Variants in RABGAP1L observed in about 807,000 individuals in gnomAD.
RABGAP1L encodes RAB GTPase activating protein 1 like, also known as rab GTPase-activating protein 1-like.
In RABGAP1L, 63 loss-of-function variants were observed where a neutral mutation model predicts 137.7. The observed-to-expected ratio is 0.46, with a 90% CI of 0.37 to 0.56. The LOEUF is 0.56. Among genes scored for constraint, RABGAP1L ranks in the 20% least tolerant of loss-of-function variants. The pLI is 0.00. For missense variants in RABGAP1L, 1,095 were observed against 1,244.0 expected (o/e 0.88, Z 1.80); for synonymous variants, 431 against 433.7 (o/e 0.99, Z 0.08).
intron 17 of RABGAP1L, among the ~76,000 whole-genome samples, chr1:174,712,545 G>A (rs1462902366): frequency 6.6e-6 from 1 of 152,134 alleles, no homozygotes; most frequent in Non-Finnish European, 1.5e-5. Flanking sequence ...GCAAACTGTG[G>A]ACACACCATC....
chr1:174,736,681 C>T (rs752454593), intron 17 of RABGAP1L, among the ~76,000 whole-genome samples: 1 of 152,260 alleles, frequency 6.6e-6, no homozygotes, highest in Non-Finnish European at 1.5e-5. Flanking sequence ...TCTGCCTGGG[C>T]ACTGAGGCTT....
At chr1:174,477,908 C>A (rs1220068253) in intron 13 of RABGAP1L, among the ~76,000 whole-genome samples, 1 of 151,712 alleles carries the variant, frequency 6.6e-6, no homozygotes, top group East Asian at 1.9e-4. Flanking sequence ...TTATATAAAA[C>A]CTGCATGGTA....
intron 19 of RABGAP1L, among the ~76,000 whole-genome samples, chr1:174,894,692 G>A (rs1443723081): frequency 6.6e-6 from 1 of 152,124 alleles, no homozygotes; most frequent in African/African-American, 2.4e-5. Flanking sequence ...TGGTGCAGGA[G>A]AGGACTGTCG....
chr1:174,981,987 C>T (rs1326316625), intron 23 of RABGAP1L, among the ~76,000 whole-genome samples: 2 of 152,178 alleles, frequency 1.3e-5, no homozygotes, highest in Admixed American at 1.3e-4. Context: ...GCTCACAAAG[C>T]TATAAAGAAA....
At chr1:174,684,952 G>A (rs1480756101) in intron 15 of RABGAP1L, among the ~76,000 whole-genome samples, 1 of 152,036 alleles carries the variant, frequency 6.6e-6, no homozygotes, top group Non-Finnish European at 1.5e-5. Flanking sequence ...CTGCAGTCCA[G>A]CTTGGGCAAT....
At chr1:174,454,238 G>T (rs1471065924) in intron 13 of RABGAP1L, among the ~76,000 whole-genome samples, 1 of 146,908 alleles carries the variant, frequency 6.8e-6, no homozygotes, top group Non-Finnish European at 1.5e-5. Flanking sequence ...ACTCCAGCCT[G>T]GCAACAGAGT....
intron 13 of RABGAP1L, among the ~76,000 whole-genome samples, chr1:174,414,812 A>G (rs1475540686): frequency 6.6e-6 from 1 of 152,124 alleles, no homozygotes; most frequent in Non-Finnish European, 1.5e-5. Flanking sequence ...CTTATGAAAT[A>G]GAAGTGTAGT....
chr1:174,905,121 T>C (rs1195885040), intron 19 of RABGAP1L, among the ~76,000 whole-genome samples: 1 of 152,142 alleles, frequency 6.6e-6, no homozygotes, highest in African/African-American at 2.4e-5. Flanking sequence ...AGTGACCTAG[T>C]AGTAAAGATT....
chr1:174,471,600 A>C (rs1158206825), intron 13 of RABGAP1L, among the ~76,000 whole-genome samples: 1 of 152,192 alleles, frequency 6.6e-6, no homozygotes, highest in Admixed American at 6.5e-5. Flanking sequence ...AGCAAACCAC[A>C]TTCAGGTGTT....
rs140239993 is a variant in RABGAP1L, at chr1:174,505,381, T to TGAG, written c.1710+111236_1710+111237insGAG. Among the ~76,000 whole-genome samples the TGAG allele has an allele frequency of 8.5e-5, 13 of 152,348 alleles. No individual in the cohort carries two copies. The East Asian group carries it at 2.5e-3, about 29-fold the overall frequency. ...TTCGTTTACTCTAGCCAGTTCTTTT[T>TGAG]CACATTTTGGCCCAAACTTTATTCC... On this transcript the variant is annotated intron_variant, in intron 13 of 25. Transcript: ENST00000681986.
intron 17 of RABGAP1L, among the ~76,000 whole-genome samples, chr1:174,711,063 C>T (rs1370789207): frequency 6.6e-6 from 1 of 152,128 alleles, no homozygotes; most frequent in Non-Finnish European, 1.5e-5. Flanking sequence ...CAGCTGCTGG[C>T]CCAAACACAG....
intron 13 of RABGAP1L, among the ~76,000 whole-genome samples, chr1:174,549,406 A>G (rs1157222207): frequency 1.3e-5 from 2 of 152,184 alleles, no homozygotes; most frequent in African/African-American, 4.8e-5. Context: ...GAAAGATAAC[A>G]TAAGAAAGCA....
intron 3 of RABGAP1L, among the ~76,000 whole-genome samples, chr1:174,227,677 T>C (rs1558048954): frequency 6.6e-6 from 1 of 152,162 alleles, no homozygotes. Context: ...TTTTGTCTTA[T>C]TATTTTAGTA....
chr1:174,180,234 C>T (rs985245158), intron 1 of RABGAP1L, among the ~76,000 whole-genome samples: 2 of 152,136 alleles, frequency 1.3e-5, no homozygotes, highest in Non-Finnish European at 2.9e-5. Context: ...AGTTCTAGAG[C>T]CAGACAGACC....
intron 17 of RABGAP1L, among the ~76,000 whole-genome samples, chr1:174,722,808 A>G (rs1441732693): frequency 6.6e-6 from 1 of 152,164 alleles, no homozygotes; most frequent in Non-Finnish European, 1.5e-5. Flanking sequence ...TCTATGCCTT[A>G]GCCTGAAGGA....
intron 14 of RABGAP1L, among the ~76,000 whole-genome samples, chr1:174,658,012 C>G (rs1676092192): frequency 6.6e-6 from 1 of 152,180 alleles, no homozygotes; most frequent in Non-Finnish European, 1.5e-5. Context: ...TAAGGCTTTG[C>G]ATTTCACTGT....
intron 13 of RABGAP1L, among the ~76,000 whole-genome samples, chr1:174,526,704 T>G (rs1280226599): frequency 6.6e-6 from 1 of 152,100 alleles, no homozygotes; most frequent in Non-Finnish European, 1.5e-5. Context: ...TTTTTAAAAA[T>G]TTGGGTCATT....
At position 174,704,601 on chromosome 1, in the gene RABGAP1L, A is replaced by C. The variant is rs141360261; in HGVS notation, c.2169+2345A>C. ...TGCAGAATAGGTTTCCAAATCCTGA[A>C]TATAACAGCTAGAGAATCTGATTTA... On this transcript the variant is annotated intron_variant, in intron 17 of 25. Coordinates refer to ENST00000681986, the MANE Select transcript of RABGAP1L (RefSeq NM_001366446.1). Among the ~76,000 whole-genome samples, 557 of 152,342 alleles carry C rather than the reference A, an allele frequency of 3.7e-3. 3 individuals are homozygous for C. The highest frequency in any genetic ancestry group is 0.013 in the African/African-American group (543 of 41,580).
chr1:174,539,267 T>C (rs1665156585), intron 13 of RABGAP1L, among the ~76,000 whole-genome samples: 1 of 152,050 alleles, frequency 6.6e-6, no homozygotes, highest in Admixed American at 6.6e-5. Context: ...TGATTTATTT[T>C]TTTCATTTCT....
Sources: allele counts gnomAD v4.1 joint callset (sites outside exome capture counted in the v4.1 genomes callset), GRCh38; gene constraint gnomAD v4.1.1; transcripts MANE v1.5; gene names NCBI Gene and HGNC (gene_info 2026-07-23, HGNC 2026-07-21).